Variants in SNX8 observed in about 807,000 individuals in gnomAD.
SNX8 encodes sorting nexin-8.
In SNX8, 25 loss-of-function variants were observed where a neutral mutation model predicts 51.6. The ratio of observed to expected loss-of-function variants is 0.48; its 90% confidence interval spans 0.35 to 0.68. The LOEUF (loss-of-function observed/expected upper bound fraction) is 0.68, where lower values mean the gene tolerates loss of function less well. SNX8 is among the 30% of genes least tolerant of loss of function. SNX8 has a pLI of 0.00. For synonymous variants in SNX8, 324 were observed against 277.0 expected (o/e 1.17, Z -1.68); for missense variants, 695 against 624.0 (o/e 1.11, Z -1.21).
intron 1 of SNX8, among the ~76,000 whole-genome samples, chr7:2,342,675 A>G (rs973062790): frequency 4.0e-5 from 6 of 151,820 alleles, no homozygotes; most frequent in Admixed American, 2.0e-4. Context: ...AAAAGGATAG[A>G]ATTACAGTGC....
At position 2,263,338 on chromosome 7, in the gene SNX8, C is replaced by A; in HGVS notation, c.807G>T (p.Pro269=). ...TATTCAGAGCGGCCCAGGAGGGCAG[C>A]GGGGTCGTGTCAGACCCTATTGCAC... The part of the protein sequence containing the change: ...ELSAIGSDTT[P]LPSWAALNSS... The change falls in exon 7 of 11, where the codon CCG becomes CCT. Residue 269 remains proline (P), a synonymous_variant. Transcript: ENST00000222990. The A allele has an allele frequency of 6.2e-7, 1 of 1,609,426 alleles. No individual in the cohort carries two copies.
chr7:2,301,649 T>C (rs1433205674), intron 1 of SNX8, among the ~76,000 whole-genome samples: 1 of 152,180 alleles, frequency 6.6e-6, no homozygotes, highest in Admixed American at 6.6e-5. Context: ...TGTCCAGTCA[T>C]TGTCATGGAA....
chr7:2,297,646 C>T (rs1300833000), intron 1 of SNX8, among the ~76,000 whole-genome samples: 2 of 150,744 alleles, frequency 1.3e-5, no homozygotes, highest in Non-Finnish European at 1.5e-5. Context: ...CCTAAGTGCC[C>T]GTCAACCGAT....
At chr7:2,297,789 C>T (rs1163204592) in intron 1 of SNX8, among the ~76,000 whole-genome samples, 1 of 151,710 alleles carries the variant, frequency 6.6e-6, no homozygotes, top group African/African-American at 2.4e-5. Flanking sequence ...AACTCAGGAT[C>T]AGAAACCCAA....
intron 1 of SNX8, among the ~76,000 whole-genome samples, chr7:2,324,221 G>A (rs1778588447): frequency 1.3e-5 from 2 of 152,046 alleles, no homozygotes; most frequent in African/African-American, 4.8e-5. Context: ...AAGGCAGGAG[G>A]GTTACTTGAG....
chr7:2,278,605 G>A (rs966966741), intron 1 of SNX8, among the ~76,000 whole-genome samples: 15 of 147,916 alleles, frequency 1.0e-4, no homozygotes, highest in African/African-American at 2.9e-4. Flanking sequence ...CTCACACTAC[G>A]GAGTCGACGC....
At chr7:2,344,016 A>G (rs1256614300) in intron 1 of SNX8, among the ~76,000 whole-genome samples, 3 of 146,380 alleles carry the variant, frequency 2.0e-5, no homozygotes, top group Non-Finnish European at 4.5e-5. Flanking sequence ...CTGGGCAACA[A>G]GAGCAAAACT....
intron 7 of SNX8, among the ~76,000 whole-genome samples, chr7:2,258,183 T>C (rs1795242753): frequency 6.6e-6 from 1 of 151,870 alleles, no homozygotes; most frequent in Non-Finnish European, 1.5e-5. Flanking sequence ...GCTAATTTTT[T>C]GTATTTCTTT....
At chr7:2,309,071 G>C (rs1230692506) in intron 1 of SNX8, among the ~76,000 whole-genome samples, 1 of 152,006 alleles carries the variant, frequency 6.6e-6, no homozygotes, top group Non-Finnish European at 1.5e-5. Flanking sequence ...TTACAGGCGT[G>C]AACCACCAGG....
At chr7:2,324,712 T>C (rs1280677657) in intron 1 of SNX8, among the ~76,000 whole-genome samples, 1 of 152,218 alleles carries the variant, frequency 6.6e-6, no homozygotes, top group African/African-American at 2.4e-5. Context: ...ATCCCAGAGC[T>C]GAGATCCTAG....
intron 1 of SNX8, among the ~76,000 whole-genome samples, chr7:2,290,420 C>G (rs1319229769): frequency 6.6e-6 from 1 of 151,134 alleles, no homozygotes; most frequent in Non-Finnish European, 1.5e-5. Context: ...ACGAGAATCT[C>G]TTGAACCCAG....
At chr7:2,329,615 A>T (rs1442978462) in intron 1 of SNX8, among the ~76,000 whole-genome samples, 1 of 152,010 alleles carries the variant, frequency 6.6e-6, no homozygotes, top group African/African-American at 2.4e-5. Flanking sequence ...GGGTCTTAAG[A>T]CCCTTCCCAG....
intron 7 of SNX8, among the ~76,000 whole-genome samples, chr7:2,258,450 G>T (rs1037203307): frequency 1.3e-5 from 2 of 152,138 alleles, no homozygotes; most frequent in African/African-American, 4.8e-5. Flanking sequence ...CATATGCTGG[G>T]AGAGCCAGAT....
Position 2,324,493 on chromosome 7 carries a change from G to A in SNX8, c.-66+29729C>T, listed in dbSNP as rs548310832. 2.6e-4 allele frequency among the ~76,000 whole-genome samples: 40 copies of A among 151,984 alleles called. 1 individual carries two copies. In the South Asian group the frequency reaches 8.1e-3, roughly 31 times the overall value. ...TTTAGTAGAGACAGGGTTTCACCAT[G>A]TTGCCCAGGGTGGTCTCGAACTCCT... On this transcript the variant is annotated intron_variant, in intron 1 of 5. Coordinates refer to the SNX8 transcript ENST00000435336.
chr7:2,300,394 T>C (rs988096525), intron 1 of SNX8, among the ~76,000 whole-genome samples: 3 of 152,220 alleles, frequency 2.0e-5, no homozygotes, highest in East Asian at 1.9e-4. Flanking sequence ...ATATTTTCAG[T>C]AGACACGTTG....
At chr7:2,350,924 G>A (rs927806846) in intron 1 of SNX8, among the ~76,000 whole-genome samples, 7 of 152,174 alleles carry the variant, frequency 4.6e-5, no homozygotes, top group Admixed American at 6.5e-5. Context: ...TGGGATTACC[G>A]GTGGGAGCCA....
chr7:2,284,276 G>A lies in SNX8; in HGVS notation c.95-5971C>T, dbSNP rs146891166. Among the ~76,000 whole-genome samples, 45 of 152,094 alleles carry A rather than the reference G, an allele frequency of 3.0e-4. No homozygotes were observed. The East Asian group carries it at 8.5e-3, about 29-fold the overall frequency. On this transcript the variant is annotated intron_variant, in intron 1 of 10. Coordinates refer to ENST00000222990, the MANE Select transcript of SNX8 (RefSeq NM_013321.4). The stretch of plus-strand genomic sequence containing the variant: ...GTTCCCAGATGCTGCTTCTGGTCAG[G>A]GGCCACAGTTTGAAAGCCCTTGTCA...
intron 1 of SNX8, among the ~76,000 whole-genome samples, chr7:2,346,927 A>T (rs1317675865): frequency 7.1e-6 from 1 of 140,082 alleles, no homozygotes; most frequent in Non-Finnish European, 1.5e-5. Flanking sequence ...GTCTCAAAAA[A>T]AAAAAAAAAA....
At chr7:2,341,754 A>C (rs1196735080) in intron 1 of SNX8, among the ~76,000 whole-genome samples, 2 of 151,972 alleles carry the variant, frequency 1.3e-5, no homozygotes, top group Non-Finnish European at 2.9e-5. Flanking sequence ...TTGGAGGCTG[A>C]CGCAGGCAGA....
Sources: gnomAD v4.1 joint callset for allele counts (sites outside exome capture counted in the v4.1 genomes callset) on GRCh38, gnomAD v4.1.1 for gene constraint, MANE v1.5 for transcripts, NCBI Gene and HGNC (gene_info 2026-07-23, HGNC 2026-07-21) for gene names.